Variants in P2RX7 observed in about 807,000 individuals in gnomAD.
P2RX7 encodes the protein purinergic receptor P2X 7.
P2RX7 carries 62 observed loss-of-function variants against 71.6 expected under a neutral mutation model. The ratio of observed to expected loss-of-function variants is 0.87; its 90% confidence interval spans 0.71 to 1.07. The LOEUF (loss-of-function observed/expected upper bound fraction) is 1.07. Among genes scored for constraint, P2RX7 ranks in the 50% least tolerant of loss-of-function variants. The pLI, the probability that P2RX7 is intolerant of heterozygous loss-of-function variation, is 0.00. For synonymous variants in P2RX7, 299 were observed against 283.3 expected, an observed-to-expected ratio of 1.06 and a Z score of -0.56; for missense variants, 686 against 748.5, an observed-to-expected ratio of 0.92 and a Z score of 0.97.
At position 121,154,165 on chromosome 12, in the gene P2RX7, C is replaced by T. The variant is rs923101704; in HGVS notation, c.126-620C>T. Among the ~76,000 whole-genome samples the T allele has an allele frequency of 6.6e-6, 1 of 151,860 alleles. No homozygotes were observed. The highest frequency in any genetic ancestry group is 2.4e-5 in the African/African-American group (1 of 41,352). On this transcript the variant is annotated intron_variant, in intron 1 of 12. Transcript: ENST00000328963. The surrounding 1 kb of genome is among the most constrained non-coding windows in gnomAD (Gnocchi z 4.2). ...AGAGGCTGGGCGCAGTGGCTCACAC[C>T]TGTAATCCCAGCTACTTGGGAGGCT...
At chr12:121,174,048 CTTTTTTT>C (rs141344773) in intron 8 of P2RX7, among the ~76,000 whole-genome samples, 1 of 73,912 alleles carries the variant, frequency 1.4e-5, no homozygotes, top group Non-Finnish European at 2.8e-5. Context: ...CTTTTCTTTT[CTTTTTTT>C]TTTTTTTTTT....
chr12:121,154,736 C>A lies in P2RX7; in HGVS notation c.126-49C>A. ...GCATCCTCCAACGCCTGCATCCCAA[C>A]CCGCTGTGCTATGCCTCCCGTTGAT... On this transcript the variant is annotated intron_variant, in intron 1 of 12. Coordinates refer to ENST00000328963, the MANE Select transcript of P2RX7 (RefSeq NM_002562.6). This position sits in a 1 kb window ranked among gnomAD's most constrained non-coding sequence, Gnocchi z 4.2. The A allele has an allele frequency of 1.6e-6, 2 of 1,280,294 alleles. No homozygotes were observed. Among genetic ancestry groups the A allele is most frequent in the South Asian group, 2.4e-5 (2 of 84,490 alleles). 79.3% of individuals were successfully genotyped at this position (1,280,294 alleles called of 1,614,324 possible). A position where few individuals can be genotyped will look rare whatever the true frequency, so the allele number is the denominator to read the frequency against.
rs202202448 is a variant in P2RX7 at position 121,154,128 on chromosome 12, T to TA, written c.126-647dup. Among the ~76,000 whole-genome samples, 5,635 of 142,434 alleles carry TA rather than the reference T, an allele frequency of 0.04. 142 individuals are homozygous for TA. The highest frequency in any genetic ancestry group is 0.091 in the South Asian group (409 of 4,502). 93.4% of individuals were successfully genotyped at this position (142,434 alleles called of 152,430 possible). A position where few individuals can be genotyped will look rare whatever the true frequency, so the allele number is the denominator to read the frequency against. On this transcript the variant is annotated intron_variant, in intron 1 of 12. Transcript: ENST00000328963. The surrounding 1 kb of genome is among the most constrained non-coding windows in gnomAD (Gnocchi z 4.2). ...ACAGAGCAAGGCCCTTTCTCTGGAA[T>TA]AAAAAAAAAAGAGAGGCTGGGCGCA...
intron 1 of P2RX7, among the ~76,000 whole-genome samples, chr12:121,142,947 G>T (rs1284518392): frequency 6.6e-6 from 1 of 150,540 alleles, no homozygotes; most frequent in Non-Finnish European, 1.5e-5. Flanking sequence ...AAGTTAGCTG[G>T]GCGCGCACCT....
chr12:121,160,970 CA>C lies in P2RX7; in HGVS notation c.435del (p.Gly146GlufsTer8). 2.5e-6 allele frequency: 4 copies of C among 1,612,826 alleles called. No individual in the cohort carries two copies. The highest frequency in any genetic ancestry group is 3.4e-6 in the Non-Finnish European group (4 of 1,178,794). On this transcript the variant is annotated frameshift_variant, in exon 4 of 13. Transcript: ENST00000328963. LOFTEE classifies it high-confidence loss of function. ...AAAAGGGATGGATGGACCCGCAGAGCAAAGGTACCTTCTGTTTCTTTTCCCG... is the reference window on the plus strand; with the variant it reads ...AAAAGGGATGGATGGACCCGCAGAGCAAGGTACCTTCTGTTTCTTTTCCCG... ...CKKGWMDPQS[K>X]GIQTGRCVVY...
chr12:121,138,722 C>A (rs1271433505), intron 1 of P2RX7, among the ~76,000 whole-genome samples: 1 of 152,252 alleles, frequency 6.6e-6, no homozygotes, highest in African/African-American at 2.4e-5. Flanking sequence ...TTGTCTCAGC[C>A]CTGCAGCTGG....
intron 1 of P2RX7, among the ~76,000 whole-genome samples, chr12:121,148,443 G>T (rs1001101704): frequency 1.3e-5 from 2 of 151,888 alleles, no homozygotes; most frequent in Middle Eastern, 3.4e-3. Context: ...TCAAACTCTT[G>T]ATCTCAAATT....
Position 121,154,879 on chromosome 12 carries a change from G to A in P2RX7, c.220G>A (p.Glu74Lys), listed in dbSNP as rs778950777. 1.9e-6 allele frequency: 3 copies of A among 1,614,036 alleles called. No individual in the cohort carries two copies. The African/African-American group carries it at 4.0e-5, about 22-fold the overall frequency. ...KVKGIAEVKE[E>K]IVENGVKKLV... ...GAAGGGGATAGCAGAGGTGAAAGAG[G>A]AGATCGTGGAGAATGGAGTGAAGAA... The change falls in exon 2 of 13, where the codon GAG becomes AAG. Residue 74 changes from glutamate (E) to lysine (K), a missense_variant. Transcript: ENST00000328963. The surrounding 1 kb of genome is among the most constrained non-coding windows in gnomAD (Gnocchi z 4.2).
chr12:121,156,805 T>C (rs1293371292), intron 3 of P2RX7, among the ~76,000 whole-genome samples: 2 of 152,166 alleles, frequency 1.3e-5, no homozygotes, highest in Admixed American at 6.5e-5. Context: ...TTGGCTTTGC[T>C]CTCTCCAAAG....
intron 1 of P2RX7, among the ~76,000 whole-genome samples, chr12:121,136,064 T>A (rs1873568801): frequency 7.7e-6 from 1 of 130,316 alleles, no homozygotes; most frequent in Non-Finnish European, 1.6e-5. Context: ...AGAGATGGGG[T>A]TTTGCCATCT....
At chr12:121,182,462 C>A (rs974316621) in intron 12 of P2RX7, among the ~76,000 whole-genome samples, 2 of 152,154 alleles carry the variant, frequency 1.3e-5, no homozygotes, top group African/African-American at 2.4e-5. Flanking sequence ...GCCTATTATA[C>A]TTAGGTTATA....
chr12:121,165,467 GT>G (rs773081203), intron 6 of P2RX7, 30 bp downstream of exon 6: 88 of 1,518,642 alleles, frequency 5.8e-5, no homozygotes, highest in Admixed American at 1.2e-4. Context: ...GGCTGTCTTA[GT>G]TATCTACTGC....
intron 1 of P2RX7, among the ~76,000 whole-genome samples, chr12:121,152,447 G>A (rs541606108): frequency 3.9e-5 from 6 of 152,152 alleles, no homozygotes; most frequent in Admixed American, 1.3e-4. Flanking sequence ...TCCCACTGTG[G>A]CCTCCAGAGT....
rs183813357 is a variant in P2RX7, at chr12:121,179,226, T to C, written c.1189-1128T>C. Among the ~76,000 whole-genome samples, 5 of 152,188 alleles carry C rather than the reference T, an allele frequency of 3.3e-5. No homozygotes were observed. The South Asian group carries it at 1.0e-3, about 32-fold the overall frequency. On this transcript the variant is annotated intron_variant, in intron 11 of 12. Transcript: ENST00000328963. ...AAAAACAAAGACGATTGGCTAGACG[T>C]GGTGGCTCACGCCTGTAGTCCCAGT...
chr12:121,142,525 TATC>T (rs1565939349), intron 1 of P2RX7, among the ~76,000 whole-genome samples: 1 of 152,126 alleles, frequency 6.6e-6, no homozygotes, highest in Non-Finnish European at 1.5e-5. Flanking sequence ...AACTCTATCA[TATC>T]ATGGAGTCTC....
At chr12:121,174,744 T>G (rs1882793551) in intron 8 of P2RX7, among the ~76,000 whole-genome samples, 1 of 150,662 alleles carries the variant, frequency 6.6e-6, no homozygotes, top group Admixed American at 6.6e-5. Context: ...TGCTTGAAGT[T>G]TTTTTTTTTT....
intron 11 of P2RX7, among the ~76,000 whole-genome samples, 154 bp from the exon 12 acceptor site, chr12:121,180,200 C>T (rs1718110): frequency 0.014 from 2,100 of 147,996 alleles, 49 homozygotes; most frequent in African/African-American, 0.049. Flanking sequence ...TATCTTTAGA[C>T]TCAGAAATCA....
chr12:121,170,529 CT>C (rs1460329334), intron 8 of P2RX7, among the ~76,000 whole-genome samples: 2 of 152,224 alleles, frequency 1.3e-5, no homozygotes, highest in African/African-American at 4.8e-5. Flanking sequence ...AATCCCAACA[CT>C]TTGGGAGGCC....
At chr12:121,172,589 C>G (rs1227862832) in intron 8 of P2RX7, among the ~76,000 whole-genome samples, 1 of 152,178 alleles carries the variant, frequency 6.6e-6, no homozygotes, top group African/African-American at 2.4e-5. Context: ...TGTGTTCAAG[C>G]CACTGCACTC....
Sources: gnomAD v4.1 joint callset for allele counts (sites outside exome capture counted in the v4.1 genomes callset) on GRCh38, gnomAD v4.1.1 for gene constraint, Gnocchi (gnomAD v3.1) non-coding constraint, MANE v1.5 for transcripts, NCBI Gene and HGNC (gene_info 2026-07-23, HGNC 2026-07-21) for gene names.